The following MEGF6 variants were observed in gnomAD, a reference collection of about 807,000 sequenced individuals.
MEGF6 encodes multiple epidermal growth factor-like domains protein 6.
MEGF6 carries 184 observed loss-of-function variants against 207.1 expected under a neutral mutation model. The observed-to-expected ratio is 0.89, with a 90% CI of 0.79 to 1.00. The LOEUF is 1.00. MEGF6 is among the 50% of genes least tolerant of loss of function. The pLI, the probability that MEGF6 is intolerant of heterozygous loss-of-function variation, is 0.00. For synonymous variants in MEGF6, 1,038 were observed against 910.0 expected (o/e 1.14, Z -2.53); for missense variants, 2,282 against 2,202.9 (o/e 1.04, Z -0.72).
chr1:3,488,303 A>T lies in MEGF6; in HGVS notation c.*2225T>A, dbSNP rs550322508. 6.6e-6 allele frequency among the ~76,000 whole-genome samples: 1 copy of T among 152,276 alleles called. No homozygotes were observed. Among genetic ancestry groups the T allele is most frequent in the South Asian group, 2.1e-4 (1 of 4,830 alleles). ...GATGGGCAGAAGCTCGGCCTGCCTTATGGCTTCCGTAGCTGAACACTGTGT... is the reference window on the plus strand; with the variant it reads ...GATGGGCAGAAGCTCGGCCTGCCTTTTGGCTTCCGTAGCTGAACACTGTGT... On this transcript the variant is annotated 3_prime_UTR_variant, in exon 37 of 37. Coordinates refer to ENST00000356575, the MANE Select transcript of MEGF6 (RefSeq NM_001409.4).
chr1:3,500,697 G>A lies in MEGF6; in HGVS notation c.2643C>T (p.Ser881=). Residue 881 remains serine, a synonymous_variant, in exon 21 of 37, where the codon AGC becomes AGT. Coordinates refer to ENST00000356575, the MANE Select transcript of MEGF6 (RefSeq NM_001409.4). ...HPCNCSAGHG[S]CDAISGLCLC... ...GACACAGGCCGCTGATGGCATCACA[G>A]CTCCCGTGGCCAGCGCTGCAGTTGC... 6.3e-7 allele frequency: 1 copy of A among 1,584,650 alleles called. No individual in the cohort carries two copies. The highest frequency in any genetic ancestry group is 1.7e-4 in the Middle Eastern group (1 of 6,006).
chr1:3,567,571 A>AC (rs1643381610), intron 4 of MEGF6, among the ~76,000 whole-genome samples: 1 of 152,112 alleles, frequency 6.6e-6, no homozygotes. Context: ...GCCAGCCAGC[A>AC]CCGCGCAGCC....
At chr1:3,567,698 C>T (rs1233811919) in intron 4 of MEGF6, among the ~76,000 whole-genome samples, 1 of 152,216 alleles carries the variant, frequency 6.6e-6, no homozygotes, top group African/African-American at 2.4e-5. Flanking sequence ...CAGAGCGTCA[C>T]CCTGCAGGCC....
At chr1:3,611,711 T>C (rs1644330233), upstream of MEGF6, among the ~76,000 whole-genome samples, 2 of 98,810 alleles carry the variant, frequency 2.0e-5, no homozygotes, top group African/African-American at 6.7e-5. Flanking sequence ...CGGCTCCTGC[T>C]TCCAGCCCCG....
At chr1:3,519,453 A>T (rs866315056) in intron 5 of MEGF6, among the ~76,000 whole-genome samples, 1 of 152,242 alleles carries the variant, frequency 6.6e-6, no homozygotes, top group Middle Eastern at 3.2e-3. Flanking sequence ...CAATGCCCGC[A>T]GTGCTTGCAC....
chr1:3,616,052 G>A (rs1310775396), upstream of MEGF6, among the ~76,000 whole-genome samples: 3 of 152,202 alleles, frequency 2.0e-5, no homozygotes, highest in African/African-American at 2.4e-5. Flanking sequence ...TTTGGATGGA[G>A]GAGAAATAAC....
rs1164729330 is a variant in MEGF6 at position 3,573,411 on chromosome 1, G to GGTC, written c.481+6413_481+6414insGAC. Among the ~76,000 whole-genome samples, 5 of 152,204 alleles carry GGTC rather than the reference G, an allele frequency of 3.3e-5. No homozygotes were observed. The highest frequency in any genetic ancestry group is 7.3e-5 in the Non-Finnish European group (5 of 68,030). The stretch of plus-strand genomic sequence containing the variant: ...AACCTTCTGCTTGGCTGCACCCAAA[G>GGTC]GTAAGCACGGGAAACAGTGCGGGGA... On this transcript the variant is annotated intron_variant, in intron 4 of 36. Transcript: ENST00000356575. This position sits in a 1 kb window ranked among gnomAD's most constrained non-coding sequence, Gnocchi z 5.1.
intron 7 of MEGF6, among the ~76,000 whole-genome samples, chr1:3,512,907 A>G (rs1367718710): frequency 6.6e-6 from 1 of 151,948 alleles, no homozygotes; most frequent in Non-Finnish European, 1.5e-5. Flanking sequence ...TGGCAGCCCG[A>G]CCCCTCCCCA....
At chr1:3,617,753 C>T in the MEGF6 span, among the ~76,000 whole-genome samples, 5,517 of 152,292 alleles carry the variant, frequency 0.036, 115 homozygotes, top group Middle Eastern at 0.068. Flanking sequence ...TGTAAATCCT[C>T]GGACAGGCGT....
rs528986417 is a variant in MEGF6, at chr1:3,498,963, C to T, written c.3095-137G>A. ...GCTGCCCCTAGGATGACCTGCCAGC[C>T]CAGCCTCACTCCCCATCCCTGCCTG... On this transcript the variant is annotated intron_variant, in intron 24 of 36. Transcript: ENST00000356575. 208 of 1,414,846 alleles carry T rather than the reference C, an allele frequency of 1.5e-4. 1 individual carries two copies. In the African/African-American group the frequency reaches 2.6e-3, roughly 18 times the overall value. 87.6% of individuals were successfully genotyped at this position (1,414,846 alleles called of 1,614,324 possible).
chr1:3,493,047 C>T (rs1235508614), intron 34 of MEGF6: 3 of 477,102 alleles, frequency 6.3e-6, no homozygotes, highest in Non-Finnish European at 1.1e-5. Context: ...CTGCCCCGCC[C>T]CAGGAGGGCA....
chr1:3,581,702 C>T (rs1244199306), intron 3 of MEGF6, among the ~76,000 whole-genome samples: 4 of 152,188 alleles, frequency 2.6e-5, no homozygotes, highest in East Asian at 3.9e-4. Context: ...GAGCAGGTGC[C>T]GGCCTGGAGA....
intron 14 of MEGF6, among the ~76,000 whole-genome samples, chr1:3,506,607 C>T (rs1641129551): frequency 6.6e-6 from 1 of 152,172 alleles, no homozygotes; most frequent in Admixed American, 6.5e-5. Context: ...GACACGTGGC[C>T]CCAGTAGACA....
chr1:3,589,181 G>A lies in MEGF6; in HGVS notation c.376+6157C>T, dbSNP rs182961033. On this transcript the variant is annotated intron_variant, in intron 3 of 36. Coordinates refer to ENST00000356575, the MANE Select transcript of MEGF6 (RefSeq NM_001409.4). ...TGGGGAACGAGGCGTCTACAACCAC[G>A]GAACGCCGCGGAAGCTGGAAGAGAT... Among the ~76,000 whole-genome samples the A allele has an allele frequency of 1.2e-4, 18 of 152,224 alleles. No individual in the cohort carries two copies. The East Asian group carries it at 1.9e-3, about 16-fold the overall frequency.
chr1:3,546,109 G>A (rs932064990), intron 4 of MEGF6, among the ~76,000 whole-genome samples: 2 of 152,376 alleles, frequency 1.3e-5, no homozygotes, highest in South Asian at 4.1e-4. Context: ...AGGGTCAGAT[G>A]CCAGGGCAGA....
intron 4 of MEGF6, among the ~76,000 whole-genome samples, chr1:3,566,660 GC>G (rs1286151590): frequency 1.3e-5 from 2 of 152,164 alleles, no homozygotes; most frequent in Admixed American, 6.5e-5. Flanking sequence ...CACGCTATGA[GC>G]CCCCCGGCGC....
rs1021124638 is a variant in MEGF6, at chr1:3,573,804, G to A, written c.481+6021C>T. ...CCTGGGTGGCGTCTGGAGCTCGGGC[G>A]AGGGGTCAGACTCCCACCCTCAGAC... On this transcript the variant is annotated intron_variant, in intron 4 of 36. Coordinates refer to ENST00000356575, the MANE Select transcript of MEGF6 (RefSeq NM_001409.4). This position sits in a 1 kb window ranked among gnomAD's most constrained non-coding sequence, Gnocchi z 5.1. 2.5e-4 allele frequency among the ~76,000 whole-genome samples: 38 copies of A among 152,304 alleles called. No homozygotes were observed. Among genetic ancestry groups the A allele is most frequent in the Non-Finnish European group, 2.6e-4 (18 of 68,016 alleles).
Position 3,498,760 on chromosome 1 carries a change from C to A in MEGF6, c.3161G>T (p.Cys1054Phe). The A allele has an allele frequency of 6.4e-7, 1 of 1,559,534 alleles. No individual in the cohort carries two copies. The highest frequency in any genetic ancestry group is 8.7e-7 in the Non-Finnish European group (1 of 1,152,828). The change falls in exon 25 of 37, where the codon TGT (cysteine) becomes TTT (phenylalanine). Residue 1054 changes from cysteine (C) to phenylalanine (F), a missense_variant. By Grantham distance (205) the Cys-to-Phe change is radical. Transcript: ENST00000356575. Reference sequence around the variant, plus strand: ...CGCACAGTGGCCTGAGACAGGGTCACAGGTCCCTCCGTTCTGGCAGAGGCA... The same window carrying A: ...CGCACAGTGGCCTGAGACAGGGTCAAAGGTCCCTCCGTTCTGGCAGAGGCA... ...HSCLCQNGGT[C>F]DPVSGHCACP...
chr1:3,565,237 C>T lies in MEGF6; in HGVS notation c.481+14588G>A, dbSNP rs1428427970. 6.6e-6 allele frequency among the ~76,000 whole-genome samples: 1 copy of T among 152,070 alleles called. No individual in the cohort carries two copies. Among genetic ancestry groups the T allele is most frequent in the Non-Finnish European group, 1.5e-5 (1 of 68,008 alleles). ...GCCTGGGCAGTTGGGCGTCCCCAGGCGCCTCCTTGTTTATCAGACATGGCA... is the reference window on the plus strand; with the variant it reads ...GCCTGGGCAGTTGGGCGTCCCCAGGTGCCTCCTTGTTTATCAGACATGGCA... On this transcript the variant is annotated intron_variant, in intron 4 of 36. Coordinates refer to ENST00000356575, the MANE Select transcript of MEGF6 (RefSeq NM_001409.4). This position sits in a 1 kb window ranked among gnomAD's most constrained non-coding sequence, Gnocchi z 4.8.
Sources: allele counts gnomAD v4.1 joint callset (sites outside exome capture counted in the v4.1 genomes callset), GRCh38; gene constraint gnomAD v4.1.1; non-coding constraint Gnocchi (gnomAD v3.1); transcripts MANE v1.5; gene names NCBI Gene and HGNC (gene_info 2026-07-23, HGNC 2026-07-21).